The following PHF2 variants were observed in gnomAD, a reference collection of about 807,000 sequenced individuals.
PHF2 encodes PHD finger protein 2, also known as lysine-specific demethylase PHF2.
Under a neutral mutation model 120.5 loss-of-function variants are expected in PHF2, and 27 were observed. That is an observed-to-expected ratio of 0.22 (90% CI 0.17 to 0.31). The LOEUF (loss-of-function observed/expected upper bound fraction) is 0.31. Among genes scored for constraint, PHF2 ranks in the 10% least tolerant of loss-of-function variants. The pLI, the probability that PHF2 is intolerant of heterozygous loss-of-function variation, is 1.00. For missense variants in PHF2, 1,024 were observed against 1,434.8 expected (o/e 0.71, Z 4.63); for synonymous variants, 568 against 592.5 (o/e 0.96, Z 0.60).
rs1424407866 is a variant in PHF2 at position 93,660,503 on chromosome 9, G to C, written c.1641G>C (p.Leu547=). ...SASPTIPNLD[L]LEAHTKEALT... ...CACCCACCATCCCCAACCTGGACCT[G>C]CTCGAAGCCCACACCAAGGAGGCAC... is the stretch of plus-strand genomic sequence containing the variant. The change falls in exon 12 of 22, where the codon CTG becomes CTC. Residue 547 remains leucine (L), a synonymous_variant. Coordinates refer to ENST00000359246, the MANE Select transcript of PHF2 (RefSeq NM_005392.4). 1.2e-6 allele frequency: 2 copies of C among 1,602,804 alleles called. No homozygotes were observed. The highest frequency in any genetic ancestry group is 1.7e-6 in the Non-Finnish European group (2 of 1,176,178).
intron 1 of PHF2, among the ~76,000 whole-genome samples, chr9:93,614,974 A>T (rs983421954): frequency 1.3e-4 from 20 of 150,642 alleles, no homozygotes; most frequent in African/African-American, 4.9e-4. Flanking sequence ...GATAGTGATG[A>T]CGGTAATGGT....
rs548763264 is a variant in PHF2, at chr9:93,677,772, G to C, written c.*96G>C. The C allele has an allele frequency of 5.9e-6, 5 of 853,210 alleles. No individual in the cohort carries two copies. The Admixed American group carries it at 1.1e-4, about 19-fold the overall frequency. The allele number at this position is 853,210 out of a possible 1,614,324, so 52.9% of individuals were successfully genotyped here. A position where few individuals can be genotyped will look rare whatever the true frequency, so the allele number is the denominator to read the frequency against. On this transcript the variant is annotated 3_prime_UTR_variant, in exon 22 of 22. Transcript: ENST00000359246. This position sits in a 1 kb window ranked among gnomAD's most constrained non-coding sequence, Gnocchi z 4.4. Reference sequence around the variant, plus strand: ...GGAGGGTGCCGAGCTGCCTCACCAGGGAGGGCCTTGCCTCTTCCCGGCTGC... The same window carrying C: ...GGAGGGTGCCGAGCTGCCTCACCAGCGAGGGCCTTGCCTCTTCCCGGCTGC...
At chr9:93,627,334 T>G (rs1825929124) in intron 1 of PHF2, among the ~76,000 whole-genome samples, 1 of 152,230 alleles carries the variant, frequency 6.6e-6, no homozygotes, top group African/African-American at 2.4e-5. Context: ...TTTTTGTGTG[T>G]TGTTTTTGCA....
chr9:93,654,620 C>A, intron 7 of PHF2, 45 bp downstream of exon 7: 2 of 1,583,210 alleles, frequency 1.3e-6, no homozygotes, highest in Non-Finnish European at 1.7e-6. Context: ...GGCTTGCCGG[C>A]CCTCATCAAG....
intron 3 of PHF2, among the ~76,000 whole-genome samples, chr9:93,643,289 G>T (rs1179348316): frequency 6.6e-6 from 1 of 152,192 alleles, no homozygotes; most frequent in Non-Finnish European, 1.5e-5. Context: ...TTTAGTGCAA[G>T]TTTGGAACTC....
intron 5 of PHF2, among the ~76,000 whole-genome samples, chr9:93,652,931 C>A (rs1379398359): frequency 6.6e-6 from 1 of 152,180 alleles, no homozygotes; most frequent in Non-Finnish European, 1.5e-5. Flanking sequence ...GGTTTTGGGG[C>A]CTTCTCATTA....
At chr9:93,642,746 G>A (rs949190984) in intron 3 of PHF2, among the ~76,000 whole-genome samples, 3 of 152,084 alleles carry the variant, frequency 2.0e-5, no homozygotes, top group Non-Finnish European at 2.9e-5. Flanking sequence ...AGAGTCACAT[G>A]TCAATTCTGA....
At chr9:93,655,511 C>T (rs1006317263) in intron 7 of PHF2, among the ~76,000 whole-genome samples, 10 of 152,220 alleles carry the variant, frequency 6.6e-5, no homozygotes, top group African/African-American at 2.4e-4. Context: ...AGCCTTGTCT[C>T]CTGCTCCTGA....
chr9:93,629,656 C>A (rs1201496069), intron 1 of PHF2, among the ~76,000 whole-genome samples: 3 of 152,194 alleles, frequency 2.0e-5, no homozygotes, highest in Non-Finnish European at 2.9e-5. Context: ...CCTTCCCTGC[C>A]CCCTGGGTGA....
At chr9:93,662,166 AATAG>A (rs1205523344) in intron 12 of PHF2, among the ~76,000 whole-genome samples, 1 of 150,182 alleles carries the variant, frequency 6.7e-6, no homozygotes, top group Non-Finnish European at 1.5e-5. Context: ...CAGAGGAATG[AATAG>A]ATGGATGGAT....
chr9:93,644,510 AC>A (rs1215915917), intron 3 of PHF2, among the ~76,000 whole-genome samples: 1 of 151,742 alleles, frequency 6.6e-6, no homozygotes, highest in Non-Finnish European at 1.5e-5. Flanking sequence ...TCATTCTCAC[AC>A]CTGCCACTGT....
chr9:93,596,484 T>A (rs1179137663), intron 1 of PHF2, among the ~76,000 whole-genome samples: 1 of 151,992 alleles, frequency 6.6e-6, no homozygotes, highest in African/African-American at 2.4e-5. Context: ...TATGGTGTGC[T>A]TCTTGGTGGG....
chr9:93,674,272 G>C (rs1826866988), intron 18 of PHF2, among the ~76,000 whole-genome samples: 1 of 152,066 alleles, frequency 6.6e-6, no homozygotes, highest in Admixed American at 6.5e-5. Context: ...GAGGGTCACA[G>C]GGTCACCGCC....
chr9:93,644,115 G>A (rs1170008735), intron 3 of PHF2, among the ~76,000 whole-genome samples: 2 of 152,088 alleles, frequency 1.3e-5, no homozygotes, highest in Admixed American at 6.5e-5. Flanking sequence ...GGCTGGGCGC[G>A]GTGGCTCACG....
intron 17 of PHF2, among the ~76,000 whole-genome samples, chr9:93,673,182 TG>T (rs987019832): frequency 2.1e-4 from 32 of 151,926 alleles, no homozygotes; most frequent in African/African-American, 6.5e-4. Flanking sequence ...AGGCACAGGG[TG>T]GACCGAGGGG....
In PHF2 at chr9:93,667,245, G is replaced by A; in HGVS notation, c.2348+5G>A. The A allele has an allele frequency of 6.2e-7, 1 of 1,607,140 alleles. No homozygotes were observed. Among genetic ancestry groups the A allele is most frequent in the Non-Finnish European group, 8.5e-7 (1 of 1,177,580 alleles). On this transcript the variant is annotated splice_donor_5th_base_variant and intron_variant, in intron 17 of 21. Transcript: ENST00000359246. The stretch of plus-strand genomic sequence containing the variant: ...GCTGGAGTACAACCCCAGCAGGTGG[G>A]CCCCACCACCCGGCAGCACCCAAGA...
intron 12 of PHF2, 54 bp downstream of exon 12, chr9:93,660,614 C>G: frequency 3.4e-6 from 5 of 1,472,232 alleles, no homozygotes; most frequent in Non-Finnish European, 4.5e-6. Flanking sequence ...GCTGCAGCAT[C>G]TCTTGTGGGC....
chr9:93,655,515 C>T (rs1188218036), intron 7 of PHF2, among the ~76,000 whole-genome samples: 1 of 152,226 alleles, frequency 6.6e-6, no homozygotes, highest in East Asian at 1.9e-4. Flanking sequence ...TTGTCTCCTG[C>T]TCCTGAGTGT....
At chr9:93,577,607 C>T (rs901331905) in intron 1 of PHF2, among the ~76,000 whole-genome samples, 2 of 152,190 alleles carry the variant, frequency 1.3e-5, no homozygotes, top group East Asian at 1.9e-4. Context: ...GTGGCTTTGC[C>T]ACCTCCTCCC....
Sources: allele counts gnomAD v4.1 joint callset (sites outside exome capture counted in the v4.1 genomes callset), GRCh38; gene constraint gnomAD v4.1.1; non-coding constraint Gnocchi (gnomAD v3.1); transcripts MANE v1.5; gene names NCBI Gene and HGNC (gene_info 2026-07-23, HGNC 2026-07-21).